The following LOC728743 variants were observed in gnomAD, a reference collection of about 807,000 sequenced individuals.
the LOC728743 span, among the ~76,000 whole-genome samples, chr7:150,408,879 A>C: frequency 6.6e-6 from 1 of 152,170 alleles, no homozygotes; most frequent in African/African-American, 2.4e-5. Context: ...ACAGAGCCTT[A>C]GTTGATTCTG....
At chr7:150,411,821 GC>G in the LOC728743 span, 3 of 152,610 alleles carry the variant, frequency 2.0e-5, no homozygotes, top group Non-Finnish European at 4.4e-5. Flanking sequence ...GTCCCCCTCT[GC>G]CCATCACTGT....
At chr7:150,408,405 C>T in the LOC728743 span, 4 of 358,620 alleles carry the variant, frequency 1.1e-5, no homozygotes, top group African/African-American at 2.1e-5. Flanking sequence ...GCGTTCCTCC[C>T]TCGGGACCCT....
At chr7:150,408,541 G>T in the LOC728743 span, 1 of 237,858 alleles carries the variant, frequency 4.2e-6, no homozygotes, top group Non-Finnish European at 8.1e-6. Flanking sequence ...AGTGGTGGGG[G>T]TGGAGTGCGT....
chr7:150,407,550 C>G, the LOC728743 span: 1 of 398,100 alleles, frequency 2.5e-6, no homozygotes, highest in Non-Finnish European at 4.4e-6. Flanking sequence ...TCTCTCTCCA[C>G]CCCCCACCCC....
the LOC728743 span, chr7:150,400,943 T>G: frequency 6.6e-6 from 1 of 152,188 alleles, no homozygotes. Context: ...AATCAAGACT[T>G]TAAAGGATTT....
chr7:150,405,815 G>A, the LOC728743 span: 9 of 152,290 alleles, frequency 5.9e-5, no homozygotes, highest in Admixed American at 5.9e-4. Context: ...GTGTCGCTGC[G>A]GGAGAGTTAC....
chr7:150,407,858 C>G, the LOC728743 span: 4 of 426,914 alleles, frequency 9.4e-6, no homozygotes. Flanking sequence ...CAAGCACAAC[C>G]TCGAGGTGCA....
At chr7:150,407,639 G>T in the LOC728743 span, 1 of 399,016 alleles carries the variant, frequency 2.5e-6, no homozygotes, top group Non-Finnish European at 4.4e-6. Flanking sequence ...CTCCGGGGGC[G>T]GGTCCCCTGC....
chr7:150,401,933 C>T, the LOC728743 span, among the ~76,000 whole-genome samples: 2 of 152,128 alleles, frequency 1.3e-5, no homozygotes, highest in Non-Finnish European at 2.9e-5. Context: ...GTTTCTTTTC[C>T]CTTCACCTTC....
chr7:150,408,790 T>C, the LOC728743 span, among the ~76,000 whole-genome samples: 1 of 152,246 alleles, frequency 6.6e-6, no homozygotes, highest in South Asian at 2.1e-4. Flanking sequence ...CATCTGTAAG[T>C]TGGGGATATA....
chr7:150,402,145 T>C, the LOC728743 span, among the ~76,000 whole-genome samples: 4 of 152,130 alleles, frequency 2.6e-5, no homozygotes, highest in African/African-American at 4.8e-5. Context: ...ATTGTGCCCA[T>C]GGAAAGGGAA....
the LOC728743 span, chr7:150,408,267 G>T: frequency 2.6e-5 from 10 of 378,976 alleles, no homozygotes; most frequent in African/African-American, 2.1e-4. Flanking sequence ...CGCCCCGCAC[G>T]TGCGTCCCCG....
chr7:150,404,993 G>A, the LOC728743 span: 2 of 152,294 alleles, frequency 1.3e-5, no homozygotes, highest in Non-Finnish European at 2.9e-5. Context: ...GGCGGTTTGT[G>A]GGCCTGGCCT....
At chr7:150,405,267 C>G in the LOC728743 span, 1 of 152,224 alleles carries the variant, frequency 6.6e-6, no homozygotes, top group Non-Finnish European at 1.5e-5. Flanking sequence ...GCGACGACGC[C>G]GGCGACTGCG....
the LOC728743 span, among the ~76,000 whole-genome samples, chr7:150,406,818 G>A: frequency 1.2e-4 from 18 of 152,316 alleles, no homozygotes; most frequent in South Asian, 2.7e-3. Flanking sequence ...GAATCACGCT[G>A]AGACCAGTCC....
chr7:150,409,849 C>T, the LOC728743 span, among the ~76,000 whole-genome samples: 1 of 152,118 alleles, frequency 6.6e-6, no homozygotes, highest in African/African-American at 2.4e-5. Context: ...GGCTATGGCT[C>T]CTCGGAGACT....
At chr7:150,410,322 G>A in the LOC728743 span, 1 of 396,784 alleles carries the variant, frequency 2.5e-6, no homozygotes, top group Admixed American at 4.4e-5. Flanking sequence ...GTGACCAGTG[G>A]AGGTGACTGG....
At chr7:150,407,549 A>AC in the LOC728743 span, 4 of 396,502 alleles carry the variant, frequency 1.0e-5, no homozygotes, top group South Asian at 1.3e-4. Flanking sequence ...CTCTCTCTCC[A>AC]CCCCCCACCC....
the LOC728743 span, among the ~76,000 whole-genome samples, chr7:150,402,365 C>G: frequency 4.7e-4 from 72 of 152,348 alleles, no homozygotes; most frequent in Admixed American, 1.6e-3. Context: ...ACTCAGCCCT[C>G]ACAGGGCAGC....
Sources: allele counts gnomAD v4.1 joint callset (sites outside exome capture counted in the v4.1 genomes callset), GRCh38; gene constraint gnomAD v4.1.1; transcripts MANE v1.5.